Variants in RASGEF1A observed in about 807,000 individuals in gnomAD.
The protein encoded by RASGEF1A is ras-GEF domain-containing family member 1A.
Under a neutral mutation model 56.4 loss-of-function variants are expected in RASGEF1A, and 18 were observed. The ratio of observed to expected loss-of-function variants is 0.32; its 90% CI spans 0.22 to 0.47. The LOEUF is 0.47. RASGEF1A is among the 20% of genes least tolerant of loss of function. RASGEF1A has a pLI of 1.00. For missense variants in RASGEF1A, 422 were observed against 627.1 expected (o/e 0.67, Z 3.49); for synonymous variants, 245 against 242.6 (o/e 1.01, Z -0.09).
At chr10:43,213,978 C>T (rs1840101483) in intron 1 of RASGEF1A, among the ~76,000 whole-genome samples, 1 of 152,158 alleles carries the variant, frequency 6.6e-6, no homozygotes, top group Non-Finnish European at 1.5e-5. Flanking sequence ...CCAGGCAGCA[C>T]ACAGAGAGAG....
intron 1 of RASGEF1A, among the ~76,000 whole-genome samples, chr10:43,236,271 C>T (rs1840429581): frequency 6.6e-6 from 1 of 152,220 alleles, no homozygotes; most frequent in African/African-American, 2.4e-5. Context: ...GGAGCAAAGA[C>T]ATGGCAGCAG....
chr10:43,264,994 C>T (rs1022693411), intron 1 of RASGEF1A, among the ~76,000 whole-genome samples: 16 of 152,308 alleles, frequency 1.1e-4, no homozygotes, highest in African/African-American at 2.6e-4. Flanking sequence ...AGGTGGGGAC[C>T]GGCGTGCTCA....
At chr10:43,259,122 G>A (rs1334666079) in intron 1 of RASGEF1A, among the ~76,000 whole-genome samples, 1 of 152,216 alleles carries the variant, frequency 6.6e-6, no homozygotes, top group African/African-American at 2.4e-5. Context: ...TGGTCCCAGG[G>A]CTGGCAGCCA....
In RASGEF1A at chr10:43,244,472, A is replaced by G. The variant is rs150207641; in HGVS notation, c.-7+22373T>C. Among the ~76,000 whole-genome samples, 36 of 151,190 alleles carry G rather than the reference A, an allele frequency of 2.4e-4. 1 individual carries two copies. The highest frequency in any genetic ancestry group is 4.6e-4 in the Non-Finnish European group (31 of 67,662). On this transcript the variant is annotated intron_variant, in intron 1 of 12. Coordinates refer to ENST00000395810, the MANE Select transcript of RASGEF1A (RefSeq NM_145313.4). The stretch of plus-strand genomic sequence containing the variant: ...TAGACCTAACAGACATCGACAGAAC[A>G]CTCCACTTAACAACAACAGAACACA...
intron 2 of RASGEF1A, chr10:43,203,692 C>CAGA: frequency 8.5e-7 from 1 of 1,176,948 alleles, no homozygotes; most frequent in South Asian, 2.0e-5. Context: ...GATTCTCCCC[C>CAGA]TCTCTGCCCC....
rs772741835 is a variant in RASGEF1A at position 43,203,356 on chromosome 10, G to A, written c.263C>T (p.Ala88Val). 6.3e-6 allele frequency: 10 copies of A among 1,586,070 alleles called. No individual in the cohort carries two copies. Among genetic ancestry groups the A allele is most frequent in the Non-Finnish European group, 6.0e-6 (7 of 1,166,602 alleles). Residue 88 changes from alanine to valine, a missense_variant, in exon 3 of 13, where the codon GCC (alanine) becomes GTC (valine). Around this residue, in one of 2 missense-constraint regions of RASGEF1A, gnomAD observed 273 missense variants for 339.9 expected, o/e 0.80. Coordinates refer to ENST00000395810, the MANE Select transcript of RASGEF1A (RefSeq NM_145313.4). ...RVFMPPHDLLARVGQICVEQK... is the reference protein window; with the variant it reads ...RVFMPPHDLLVRVGQICVEQK... ...CTCCACGCAGATCTGCCCCACGCGG[G>A]CCAGCAGGTCATGAGGGGGCATAAA... is the stretch of plus-strand genomic sequence containing the variant.
chr10:43,201,716 A>G, intron 4 of RASGEF1A, 92 bp downstream of exon 4: 1 of 1,310,016 alleles, frequency 7.6e-7, no homozygotes, highest in Admixed American at 2.5e-5. Flanking sequence ...GAAGGGGACC[A>G]CATACAGAGT....
At chr10:43,244,184 A>G (rs1352118136) in intron 1 of RASGEF1A, among the ~76,000 whole-genome samples, 3 of 152,240 alleles carry the variant, frequency 2.0e-5, no homozygotes, top group Non-Finnish European at 4.4e-5. Context: ...ATGCTTGAAG[A>G]CAGCATGCTC....
Position 43,247,728 on chromosome 10 carries a change from GA to G in RASGEF1A, c.-7+19116del, listed in dbSNP as rs202135164. On this transcript the variant is annotated intron_variant, in intron 1 of 12. Transcript: ENST00000395810. ...TCATAAAATAGATTAGTGGTTACCA[GA>G]AGCTGGTGGGTTGGGGAAGGGGCAG... 4.2e-3 allele frequency among the ~76,000 whole-genome samples: 641 copies of G among 152,326 alleles called. 2 individuals are homozygous for G. Among genetic ancestry groups the G allele is most frequent in the African/African-American group, 0.015 (603 of 41,568 alleles).
At chr10:43,207,099 A>G (rs1359100616) in intron 1 of RASGEF1A, 11 of 985,368 alleles carry the variant, frequency 1.1e-5, no homozygotes, top group Non-Finnish European at 1.3e-5. Context: ...CCAAGTGGGG[A>G]CTGGACGATG....
Position 43,196,020 on chromosome 10 carries a change from TC to T in RASGEF1A, c.*223del, listed in dbSNP as rs1430734549. ...TACCATCTCCCATGATACTCTCCCC[TC>T]CCCCTCCCCAAAGCAGGGCCCTGCC... On this transcript the variant is annotated 3_prime_UTR_variant, in exon 13 of 13. Coordinates refer to ENST00000395810, the MANE Select transcript of RASGEF1A (RefSeq NM_145313.4). This position sits in a 1 kb window ranked among gnomAD's most constrained non-coding sequence, Gnocchi z 4.6. The T allele has an allele frequency of 7.4e-6, 3 of 403,796 alleles. No individual in the cohort carries two copies. The highest frequency in any genetic ancestry group is 2.0e-5 in the African/African-American group (1 of 49,226). 25.0% of individuals were successfully genotyped at this position (403,796 alleles called of 1,614,324 possible). A position where few individuals can be genotyped will look rare whatever the true frequency, so the allele number is the denominator to read the frequency against.
rs1312507356 is a variant in RASGEF1A, at chr10:43,243,409, C to A, written c.-7+23436G>T. Among the ~76,000 whole-genome samples, 6 of 150,408 alleles carry A rather than the reference C, an allele frequency of 4.0e-5. No individual in the cohort carries two copies. The East Asian group carries it at 1.2e-3, about 30-fold the overall frequency. On this transcript the variant is annotated intron_variant, in intron 1 of 12. Coordinates refer to ENST00000395810, the MANE Select transcript of RASGEF1A (RefSeq NM_145313.4). ...GGTGAGGGGAGTCTCTGCCTGGCCACCCCGCCTGGGAAGTGAGGGGCGTCT... is the reference window on the plus strand; with the variant it reads ...GGTGAGGGGAGTCTCTGCCTGGCCAACCCGCCTGGGAAGTGAGGGGCGTCT...
At chr10:43,209,807 T>G (rs1283185531) in intron 1 of RASGEF1A, among the ~76,000 whole-genome samples, 1 of 152,162 alleles carries the variant, frequency 6.6e-6, no homozygotes, top group African/African-American at 2.4e-5. Flanking sequence ...CAGGCCACCC[T>G]GACCCCAGAG....
chr10:43,214,382 C>G (rs1053692810), intron 1 of RASGEF1A, among the ~76,000 whole-genome samples: 3 of 152,226 alleles, frequency 2.0e-5, no homozygotes, highest in African/African-American at 7.2e-5. Flanking sequence ...TTGACACCAC[C>G]GTGGCCTCAT....
At chr10:43,229,937 G>A (rs1186086097) in intron 1 of RASGEF1A, among the ~76,000 whole-genome samples, 1 of 151,960 alleles carries the variant, frequency 6.6e-6, no homozygotes, top group Non-Finnish European at 1.5e-5. Context: ...GCGGCCTGGA[G>A]CGCTGTCAGG....
chr10:43,245,168 C>G (rs1337106668), intron 1 of RASGEF1A, among the ~76,000 whole-genome samples: 1 of 152,078 alleles, frequency 6.6e-6, no homozygotes, highest in Non-Finnish European at 1.5e-5. Context: ...ATACTATGAA[C>G]AGCTGTTTGC....
At chr10:43,217,661 T>C (rs1840155724) in intron 1 of RASGEF1A, among the ~76,000 whole-genome samples, 1 of 152,226 alleles carries the variant, frequency 6.6e-6, no homozygotes, top group Non-Finnish European at 1.5e-5. Flanking sequence ...TCTGAGATTC[T>C]AGTGCCTGCT....
intron 1 of RASGEF1A, among the ~76,000 whole-genome samples, chr10:43,206,356 A>T (rs925672212): frequency 6.6e-6 from 1 of 152,186 alleles, no homozygotes; most frequent in African/African-American, 2.4e-5. Flanking sequence ...GCCAGACCTC[A>T]TTCCAGGGCC....
intron 1 of RASGEF1A, among the ~76,000 whole-genome samples, chr10:43,209,545 C>T (rs1317893680): frequency 6.6e-6 from 1 of 152,226 alleles, no homozygotes; most frequent in African/African-American, 2.4e-5. Flanking sequence ...AGGTGCTGGG[C>T]ACCAGGTGCC....
Sources: allele counts gnomAD v4.1 joint callset (sites outside exome capture counted in the v4.1 genomes callset), GRCh38; gene constraint gnomAD v4.1.1; regional missense constraint gnomAD v4.1.1; non-coding constraint Gnocchi (gnomAD v3.1); transcripts MANE v1.5; gene names NCBI Gene and HGNC (gene_info 2026-07-23, HGNC 2026-07-21).